The following GMDS variants were observed in gnomAD, a reference collection of about 807,000 sequenced individuals.
GMDS encodes GDP-mannose 4,6 dehydratase.
In GMDS, 20 loss-of-function variants were observed where a neutral mutation model predicts 49.9. The ratio of observed to expected loss-of-function variants is 0.40; its 90% CI spans 0.28 to 0.58. The LOEUF is 0.58. Ranked by LOEUF, GMDS falls within the 20% of genes least tolerant of loss-of-function variation. The probability of loss-of-function intolerance (pLI) is 0.42; values close to 1 mark genes in which losing one functional copy is unlikely to be tolerated. For synonymous variants in GMDS, 177 were observed against 178.6 expected, an observed-to-expected ratio of 0.99 and a Z score of 0.07; for missense variants, 362 against 481.4, an observed-to-expected ratio of 0.75 and a Z score of 2.32.
At chr6:1,827,177 A>G (rs1403376370) in intron 7 of GMDS, among the ~76,000 whole-genome samples, 1 of 150,848 alleles carries the variant, frequency 6.6e-6, no homozygotes, top group African/African-American at 2.4e-5. Context: ...ACACATATCC[A>G]GGATATATAT....
chr6:1,671,194 C>T (rs1483104763), intron 9 of GMDS, among the ~76,000 whole-genome samples: 2 of 152,174 alleles, frequency 1.3e-5, no homozygotes, highest in East Asian at 3.9e-4. Context: ...TTCTCGGCAA[C>T]CTGTGACCTA....
At chr6:2,060,602 A>G (rs894039090) in intron 4 of GMDS, among the ~76,000 whole-genome samples, 35 of 152,302 alleles carry the variant, frequency 2.3e-4, no homozygotes, top group African/African-American at 8.4e-4. Context: ...TAAACAACAG[A>G]TAAGTGAAAT....
chr6:1,996,340 AG>A (rs1467343545), intron 4 of GMDS, among the ~76,000 whole-genome samples: 2 of 150,598 alleles, frequency 1.3e-5, no homozygotes, highest in Non-Finnish European at 3.0e-5. Flanking sequence ...TTTAAGAGAC[AG>A]GGGGTGGCTA....
chr6:1,689,721 G>A (rs1027788055), intron 9 of GMDS, among the ~76,000 whole-genome samples: 4 of 152,052 alleles, frequency 2.6e-5, no homozygotes, highest in Admixed American at 1.3e-4. Flanking sequence ...CTAATTCAAC[G>A]GTCACCTTGG....
chr6:1,981,313 G>T (rs1765210940), intron 4 of GMDS, among the ~76,000 whole-genome samples: 1 of 151,662 alleles, frequency 6.6e-6, no homozygotes. Context: ...AGAAAAGAGA[G>T]AAGATTCAAA....
At chr6:2,176,629 G>C (rs1310561464) in intron 1 of GMDS, among the ~76,000 whole-genome samples, 1 of 152,116 alleles carries the variant, frequency 6.6e-6, no homozygotes, top group East Asian at 1.9e-4. Flanking sequence ...TAGGAGGGGA[G>C]GGCATGTGAA....
intron 9 of GMDS, among the ~76,000 whole-genome samples, chr6:1,680,517 A>T (rs1764753448): frequency 7.4e-6 from 1 of 135,960 alleles, no homozygotes; most frequent in Non-Finnish European, 1.7e-5. Flanking sequence ...GTTAGTTCTG[A>T]TCCGGCACCG....
intron 9 of GMDS, among the ~76,000 whole-genome samples, chr6:1,645,015 A>C (rs954905044): frequency 6.7e-6 from 1 of 150,028 alleles, no homozygotes; most frequent in Non-Finnish European, 1.5e-5. Flanking sequence ...GGCTCACTGC[A>C]ACCTCCACCT....
chr6:1,725,211 T>C (rs746690247), intron 9 of GMDS, among the ~76,000 whole-genome samples: 21 of 152,338 alleles, frequency 1.4e-4, no homozygotes, highest in Middle Eastern at 3.4e-3. Flanking sequence ...CTTTCTATTA[T>C]CTTTAGGTAT....
intron 9 of GMDS, among the ~76,000 whole-genome samples, chr6:1,705,241 G>A (rs1481209244): frequency 2.1e-4 from 32 of 152,220 alleles, no homozygotes; most frequent in Admixed American, 2.1e-3. Flanking sequence ...CAGGTGCACA[G>A]AGCCTTTCCA....
chr6:2,167,177 A>G (rs1777710144), intron 1 of GMDS, among the ~76,000 whole-genome samples: 1 of 152,148 alleles, frequency 6.6e-6, no homozygotes, highest in African/African-American at 2.4e-5. Context: ...AACTTTTCGT[A>G]GCATTTCACT....
intron 7 of GMDS, among the ~76,000 whole-genome samples, chr6:1,743,076 A>G (rs1466260679): frequency 6.6e-6 from 1 of 152,252 alleles, no homozygotes; most frequent in Non-Finnish European, 1.5e-5. Context: ...TTTTTGAACA[A>G]TAAAGTTGAG....
intron 1 of GMDS, among the ~76,000 whole-genome samples, chr6:2,125,037 T>G (rs544320325): frequency 7.9e-5 from 12 of 152,192 alleles, no homozygotes; most frequent in Non-Finnish European, 1.5e-4. Flanking sequence ...GGGTTTAGGT[T>G]TTGCCACTTA....
intron 7 of GMDS, among the ~76,000 whole-genome samples, chr6:1,771,284 C>T (rs1319884658): frequency 4.6e-5 from 7 of 152,166 alleles, no homozygotes; most frequent in Non-Finnish European, 8.8e-5. Flanking sequence ...TTCTCTTCCT[C>T]CTCACTCTCT....
chr6:2,183,602 C>G (rs115287923), intron 1 of GMDS, among the ~76,000 whole-genome samples: 1 of 152,180 alleles, frequency 6.6e-6, no homozygotes, highest in Admixed American at 6.5e-5. Context: ...AATTTAGCAG[C>G]AGCAGGGTTT....
intron 7 of GMDS, among the ~76,000 whole-genome samples, chr6:1,902,382 T>C (rs1169951716): frequency 1.3e-5 from 2 of 152,200 alleles, no homozygotes; most frequent in Non-Finnish European, 2.9e-5. Flanking sequence ...CTAATGGAAA[T>C]GTAAATTTGT....
chr6:1,986,383 A>C (rs1430483990), intron 4 of GMDS, among the ~76,000 whole-genome samples: 1 of 152,222 alleles, frequency 6.6e-6, no homozygotes, highest in East Asian at 1.9e-4. Context: ...CGGCAGGGAA[A>C]AAACTGATAA....
At chr6:2,075,356 G>A (rs143736368) in intron 4 of GMDS, among the ~76,000 whole-genome samples, 1,692 of 151,950 alleles carry the variant, frequency 0.011, 36 homozygotes, top group African/African-American at 0.039. Context: ...GTGCCATGTT[G>A]GTGTGCTGCA....
chr6:2,107,979 C>T (rs1184919636), intron 4 of GMDS, among the ~76,000 whole-genome samples: 2 of 152,134 alleles, frequency 1.3e-5, no homozygotes, highest in Non-Finnish European at 2.9e-5. Flanking sequence ...GCTCTGAGCA[C>T]ATCTAAAAAT....
Sources: allele counts gnomAD v4.1 joint callset (sites outside exome capture counted in the v4.1 genomes callset), GRCh38; gene constraint gnomAD v4.1.1; transcripts MANE v1.5; gene names NCBI Gene and HGNC (gene_info 2026-07-23, HGNC 2026-07-21).